Variants in ELMO1 observed in about 807,000 individuals in gnomAD.
ELMO1 encodes engulfment and cell motility 1, also known as engulfment and cell motility protein 1.
In ELMO1, 26 loss-of-function variants were observed where a neutral mutation model predicts 98.9. The ratio of observed to expected loss-of-function variants is 0.26; its 90% confidence interval spans 0.19 to 0.36. ELMO1 has a LOEUF of 0.36. ELMO1 is among the 10% of genes least tolerant of loss of function. The pLI is 1.00. For synonymous variants in ELMO1, 346 were observed against 346.0 expected (o/e 1.00, Z 0.00); for missense variants, 627 against 935.2 (o/e 0.67, Z 4.30).
intron 1 of ELMO1, among the ~76,000 whole-genome samples, chr7:37,400,367 T>C (rs1408996121): frequency 2.0e-5 from 3 of 152,078 alleles, no homozygotes; most frequent in Non-Finnish European, 4.4e-5. Flanking sequence ...ACTGGAGTTA[T>C]TTCAAAATTT....
At chr7:37,015,369 C>T (rs1017300707) in intron 15 of ELMO1, among the ~76,000 whole-genome samples, 1 of 152,052 alleles carries the variant, frequency 6.6e-6, no homozygotes. Context: ...GAGGCCGAGG[C>T]GGGTGGATCA....
At chr7:37,032,851 C>A (rs892184721) in intron 15 of ELMO1, among the ~76,000 whole-genome samples, 1 of 152,036 alleles carries the variant, frequency 6.6e-6, no homozygotes, top group Admixed American at 6.6e-5. Context: ...AGGAGAGCAA[C>A]AAGATAAAGT....
At chr7:37,283,917 C>T (rs78232291) in intron 4 of ELMO1, among the ~76,000 whole-genome samples, 2,262 of 152,338 alleles carry the variant, frequency 0.015, 56 homozygotes, top group East Asian at 0.098. Context: ...TGCTCTTGGT[C>T]TTTAGTTCCT....
At chr7:37,258,374 G>A (rs1795801625) in intron 6 of ELMO1, among the ~76,000 whole-genome samples, 1 of 152,156 alleles carries the variant, frequency 6.6e-6, no homozygotes, top group African/African-American at 2.4e-5. Flanking sequence ...CCAGGAGGTG[G>A]AGGTTGCAGT....
At chr7:37,080,600 ATTTTTTTTTTT>A (rs764259726) in intron 15 of ELMO1, among the ~76,000 whole-genome samples, 13 of 105,218 alleles carry the variant, frequency 1.2e-4, no homozygotes, top group South Asian at 1.0e-3. Flanking sequence ...ACCACGCCTA[ATTTTTTTTTTT>A]TTTTTTTTTT....
At chr7:36,928,379 AT>A (rs1785751245) in intron 16 of ELMO1, among the ~76,000 whole-genome samples, 1 of 152,256 alleles carries the variant, frequency 6.6e-6, no homozygotes, top group South Asian at 2.1e-4. Context: ...TAAGCAAATC[AT>A]TTAGTGTAAC....
At chr7:36,873,462 C>A (rs1803702728) in intron 19 of ELMO1, among the ~76,000 whole-genome samples, 2 of 152,218 alleles carry the variant, frequency 1.3e-5, no homozygotes, top group South Asian at 2.1e-4. Flanking sequence ...CACATTTACC[C>A]CCTGGGGCAT....
intron 16 of ELMO1, among the ~76,000 whole-genome samples, chr7:36,974,140 C>T (rs1790271898): frequency 6.6e-6 from 1 of 152,236 alleles, no homozygotes; most frequent in Non-Finnish European, 1.5e-5. Flanking sequence ...CAGCGCAGGA[C>T]TGGCAGGCAG....
At chr7:36,914,801 C>T (rs546531069) in intron 16 of ELMO1, among the ~76,000 whole-genome samples, 55 of 152,140 alleles carry the variant, frequency 3.6e-4, no homozygotes, top group Non-Finnish European at 6.6e-4. Flanking sequence ...TATGAGCCAC[C>T]GCACCCAGCC....
intron 16 of ELMO1, among the ~76,000 whole-genome samples, chr7:36,975,764 T>C (rs1407347269): frequency 6.6e-6 from 1 of 150,578 alleles, no homozygotes; most frequent in Admixed American, 6.6e-5. Flanking sequence ...GGAGAATTGC[T>C]TGAACCCAGG....
At position 37,277,715 on chromosome 7, in the gene ELMO1, A is replaced by G. The variant is rs1177175322; in HGVS notation, c.193-5833T>C. On this transcript the variant is annotated intron_variant, in intron 4 of 21. Transcript: ENST00000310758. ...CAAGGGTCATGTGGCCCGCTTCATGAGAAAGGAATCCAGAGCCTCTGGGCT... is the reference window on the plus strand; with the variant it reads ...CAAGGGTCATGTGGCCCGCTTCATGGGAAAGGAATCCAGAGCCTCTGGGCT... 2.0e-5 allele frequency among the ~76,000 whole-genome samples: 3 copies of G among 152,186 alleles called. No individual in the cohort carries two copies. The East Asian group carries it at 5.8e-4, about 29-fold the overall frequency.
chr7:36,984,774 A>C, intron 16 of ELMO1: 1 of 466,376 alleles, frequency 2.1e-6, no homozygotes, highest in Non-Finnish European at 2.8e-6. Flanking sequence ...TTTCAGGCAC[A>C]TAAGACAGGA....
chr7:37,265,218 G>A (rs1379713250), intron 5 of ELMO1, among the ~76,000 whole-genome samples: 1 of 152,104 alleles, frequency 6.6e-6, no homozygotes, highest in South Asian at 2.1e-4. Flanking sequence ...ATGCTGTGTG[G>A]CGGGGACCCT....
At chr7:37,379,619 G>A (rs1802503838) in intron 1 of ELMO1, among the ~76,000 whole-genome samples, 1 of 152,152 alleles carries the variant, frequency 6.6e-6, no homozygotes, top group Admixed American at 6.5e-5. Flanking sequence ...GATCAAAACA[G>A]ATACCCCTTT....
chr7:36,994,402 G>T (rs1383550345), intron 16 of ELMO1, among the ~76,000 whole-genome samples: 1 of 152,112 alleles, frequency 6.6e-6, no homozygotes, highest in Non-Finnish European at 1.5e-5. Flanking sequence ...CTCTAGGGCT[G>T]GTTTTACTAA....
intron 16 of ELMO1, among the ~76,000 whole-genome samples, chr7:36,982,028 T>G (rs1272913034): frequency 6.6e-6 from 1 of 152,244 alleles, no homozygotes; most frequent in Non-Finnish European, 1.5e-5. Context: ...CTAAACACGG[T>G]GGCTAGGGAA....
intron 16 of ELMO1, among the ~76,000 whole-genome samples, chr7:36,971,758 C>G (rs987017087): frequency 6.6e-6 from 1 of 152,136 alleles, no homozygotes; most frequent in Non-Finnish European, 1.5e-5. Context: ...TCCATAATCT[C>G]GAGTGACTGA....
In ELMO1 at chr7:37,155,921, G is replaced by A. The variant is rs192764392; in HGVS notation, c.1087-22687C>T. ...TATTCCACAATTGACCACATAATTG[G>A]AAGTAAAACACTCCCCAGCAAATGT... On this transcript the variant is annotated intron_variant, in intron 13 of 21. Transcript: ENST00000310758. 5.2e-3 allele frequency among the ~76,000 whole-genome samples: 790 copies of A among 152,180 alleles called. 5 individuals are homozygous for A. The highest frequency in any genetic ancestry group is 8.2e-3 in the Non-Finnish European group (556 of 68,016).
At chr7:37,119,495 C>G (rs1785849886) in intron 14 of ELMO1, among the ~76,000 whole-genome samples, 1 of 152,134 alleles carries the variant, frequency 6.6e-6, no homozygotes, top group South Asian at 2.1e-4. Context: ...TTATTTCTCC[C>G]AACTATTTTT....
Sources: gnomAD v4.1 joint callset for allele counts (sites outside exome capture counted in the v4.1 genomes callset) on GRCh38, gnomAD v4.1.1 for gene constraint, MANE v1.5 for transcripts, NCBI Gene and HGNC (gene_info 2026-07-23, HGNC 2026-07-21) for gene names.